Variants in DMXL1 observed in about 807,000 individuals in gnomAD.
The protein encoded by DMXL1 is dmX-like protein 1.
DMXL1 carries 99 observed loss-of-function variants against 319.2 expected under a neutral mutation model. That is an observed-to-expected ratio of 0.31 (90% CI 0.26 to 0.37). The LOEUF (loss-of-function observed/expected upper bound fraction) is 0.37, where lower values mean the gene tolerates loss of function less well. DMXL1 is among the 10% of genes least tolerant of loss of function. DMXL1 has a pLI of 1.00. For missense variants in DMXL1, 3,745 were observed against 3,595.6 expected (o/e 1.04, Z -1.06); for synonymous variants, 1,385 against 1,235.2 (o/e 1.12, Z -2.54).
chr5:119,188,958 T>G (rs1778232883), intron 28 of DMXL1, among the ~76,000 whole-genome samples: 1 of 152,236 alleles, frequency 6.6e-6, no homozygotes, highest in Non-Finnish European at 1.5e-5. Flanking sequence ...TGGAATTCTT[T>G]GCCTGTGTAT....
intron 2 of DMXL1, 120 bp from the exon 3 acceptor site, chr5:119,101,815 A>G: frequency 1.5e-6 from 1 of 679,656 alleles, no homozygotes. Context: ...ATTCTTAAGC[A>G]TCAGTGAATG....
chr5:119,171,557 A>G (rs1476294310), intron 24 of DMXL1, among the ~76,000 whole-genome samples: 2 of 145,492 alleles, frequency 1.4e-5, no homozygotes, highest in Non-Finnish European at 3.1e-5. Flanking sequence ...GCAAGAGGAT[A>G]TTGTCTTATT....
At chr5:119,198,727 A>G (rs557458432) in intron 32 of DMXL1, among the ~76,000 whole-genome samples, 1 of 152,354 alleles carries the variant, frequency 6.6e-6, no homozygotes, top group South Asian at 2.1e-4. Flanking sequence ...TTCAAACTGT[A>G]CTACAAAGCA....
In DMXL1 at chr5:119,166,691, A is replaced by G. The variant is rs1439373662; in HGVS notation, c.5046A>G (p.Leu1682=). 4 of 1,613,204 alleles carry G rather than the reference A, an allele frequency of 2.5e-6. No homozygotes were observed. The South Asian group carries it at 3.3e-5, about 13-fold the overall frequency. The change falls in exon 22 of 44, where the codon TTA becomes TTG. Residue 1682 remains leucine, a synonymous_variant. Transcript: ENST00000539542. ...FEDERWRKAA[L]KNAFSLLGKQ... Reference sequence around the variant, plus strand: ...ATGAGAGGTGGCGTAAAGCAGCTTTAAAGAATGCTTTTTCTTTGCTAGGCA... The same window carrying G: ...ATGAGAGGTGGCGTAAAGCAGCTTTGAAGAATGCTTTTTCTTTGCTAGGCA...
At chr5:119,109,893 A>G (rs1234967965) in intron 4 of DMXL1, among the ~76,000 whole-genome samples, 2 of 152,176 alleles carry the variant, frequency 1.3e-5, no homozygotes, top group Non-Finnish European at 2.9e-5. Flanking sequence ...TTGTCATTGT[A>G]TTTCCAATGT....
In DMXL1 at chr5:119,171,110, A is replaced by T. The variant is rs9791092; in HGVS notation, c.6319A>T (p.Thr2107Ser). 0.066 allele frequency: 106,728 copies of T among 1,613,752 alleles called. 7,901 individuals carry two copies. The highest frequency in any genetic ancestry group is 0.44 in the East Asian group (19,847 of 44,836). Residue 2107 changes from threonine (T) to serine (S), a missense_variant, in exon 24 of 44, where the codon ACA (threonine) becomes TCA (serine). By Grantham distance (58) the Thr-to-Ser change is moderately conservative (BLOSUM62 1). This residue lies in a region of DMXL1 where 1,382 missense variants were observed against 1,269.5 expected (regional missense o/e 1.09). Coordinates refer to ENST00000539542, the MANE Select transcript of DMXL1 (RefSeq NM_001290321.3). The stretch of plus-strand genomic sequence containing the variant: ...GGATGCTGAAGATTTGCCTCACCAA[A>T]CAAAAGTGAAACAACTGAGAGAAAA... ...NEDAEDLPHQTKVKQLRENFQ... is the reference protein window; with the variant it reads ...NEDAEDLPHQSKVKQLRENFQ...
chr5:119,131,473 A>G (rs975097404), intron 10 of DMXL1, among the ~76,000 whole-genome samples: 1 of 152,178 alleles, frequency 6.6e-6, no homozygotes, highest in African/African-American at 2.4e-5. Context: ...CTAGAGGATA[A>G]CTAATGTAGC....
chr5:119,118,831 G>A lies in DMXL1; in HGVS notation c.760G>A (p.Val254Ile), dbSNP rs376075158. Residue 254 changes from valine to isoleucine, a missense_variant, in exon 8 of 44, where the codon GTA becomes ATA. By Grantham distance (29) the Val-to-Ile change is conservative (BLOSUM62 3). This residue lies in a region of DMXL1 where 2,096 missense variants were observed against 1,985.4 expected (regional missense o/e 1.06). Transcript: ENST00000539542. ...ATTCCTTAGGGCTTCTGTATGTAAT[G>A]TACTGTTGACTTGCTGCAAAGATAA... ...KYMPRASVCNVLLTCCKDNVC... is the reference protein window; with the variant it reads ...KYMPRASVCNILLTCCKDNVC... The A allele has an allele frequency of 3.1e-6, 5 of 1,612,300 alleles. No individual in the cohort carries two copies. Among genetic ancestry groups the A allele is most frequent in the African/African-American group, 1.3e-5 (1 of 74,888 alleles).
At chr5:119,094,766 A>G (rs931773794) in intron 1 of DMXL1, among the ~76,000 whole-genome samples, 4 of 152,018 alleles carry the variant, frequency 2.6e-5, no homozygotes, top group Admixed American at 1.3e-4. Context: ...TACCAAGAGT[A>G]TGGAAGAAGT....
rs1047551343 is a variant in DMXL1 at position 119,147,523 on chromosome 5, A to C, written c.2911+53A>C. ...ATTTTGTAACACATGAGTATTTACC[A>C]GGTATTTAAAAATAGGTGCTGCAAC... On this transcript the variant is annotated intron_variant, in intron 17 of 43. Coordinates refer to ENST00000539542, the MANE Select transcript of DMXL1 (RefSeq NM_001290321.3). The C allele has an allele frequency of 7.0e-6, 9 of 1,277,670 alleles. No individual in the cohort carries two copies. The Admixed American group carries it at 1.5e-4, about 21-fold the overall frequency. The allele number at this position is 1,277,670 out of a possible 1,614,324, so 79.1% of individuals were successfully genotyped here. A position where few individuals can be genotyped will look rare whatever the true frequency, so the allele number is the denominator to read the frequency against.
In DMXL1 at chr5:119,132,127, T is replaced by G. The variant is rs1286600152; in HGVS notation, c.1316-1005T>G. Among the ~76,000 whole-genome samples, 6 of 152,178 alleles carry G rather than the reference T, an allele frequency of 3.9e-5. No individual in the cohort carries two copies. The South Asian group carries it at 1.2e-3, about 32-fold the overall frequency. ...ATTCATATTTGATGACTGGACTGTT[T>G]GCGGGCTGTGATAGATTGAACCATT... On this transcript the variant is annotated intron_variant, in intron 10 of 43. Coordinates refer to ENST00000539542, the MANE Select transcript of DMXL1 (RefSeq NM_001290321.3).
rs773561077 is a variant in DMXL1 at position 119,166,735 on chromosome 5, C to G, written c.5090C>G (p.Ser1697Cys). Reference protein sequence around the residue: ...SLLGKQRFEHSAAFFLLAGCL... With the variant: ...SLLGKQRFEHCAAFFLLAGCL... The stretch of plus-strand genomic sequence containing the variant: ...CTAGGCAAACAAAGATTTGAACATT[C>G]TGCAGCATTTTTTCTTTTAGCTGGT... Residue 1697 changes from serine to cysteine, a missense_variant, in exon 22 of 44, where the codon TCT becomes TGT. Transcript: ENST00000539542. 6.2e-7 allele frequency: 1 copy of G among 1,612,336 alleles called. No homozygotes were observed. Among genetic ancestry groups the G allele is most frequent in the African/African-American group, 1.3e-5 (1 of 74,836 alleles).
intron 19 of DMXL1, among the ~76,000 whole-genome samples, chr5:119,163,991 G>A (rs562622234): frequency 2.6e-5 from 4 of 151,914 alleles, no homozygotes; most frequent in South Asian, 2.1e-4. Context: ...GGATTACAGC[G>A]TAAGCCACCG....
At chr5:119,132,163 C>T (rs1765044807) in intron 10 of DMXL1, among the ~76,000 whole-genome samples, 2 of 151,936 alleles carry the variant, frequency 1.3e-5, no homozygotes, top group African/African-American at 4.8e-5. Flanking sequence ...CTGGTGATAT[C>T]CCCAGATCTC....
intron 30 of DMXL1, among the ~76,000 whole-genome samples, chr5:119,194,281 C>T (rs1215396999): frequency 2.6e-5 from 4 of 152,142 alleles, no homozygotes; most frequent in Admixed American, 2.6e-4. Context: ...AGATCTTGCT[C>T]CAAGATTATA....
At chr5:119,114,979 T>A (rs1323637097) in intron 6 of DMXL1, among the ~76,000 whole-genome samples, 2 of 152,210 alleles carry the variant, frequency 1.3e-5, no homozygotes, top group Non-Finnish European at 2.9e-5. Context: ...TTAAAAATTT[T>A]AAATAGCAAA....
At chr5:119,147,212 C>T in intron 16 of DMXL1, 37 bp from the exon 17 acceptor site, 3 of 1,560,842 alleles carry the variant, frequency 1.9e-6, no homozygotes, top group Non-Finnish European at 2.6e-6. Context: ...TAGGGTTCCC[C>T]TGCCTCAGTT....
chr5:119,116,342 T>C lies in DMXL1; in HGVS notation c.743+6T>C. On this transcript the variant is annotated splice_donor_region_variant and intron_variant, in intron 7 of 43. Transcript: ENST00000539542. Reference sequence around the variant, plus strand: ...ACAAGCAAATATATGCCTAGGTCAGTGGATTGGTCATTTCCCTCCACATAT... The same window carrying C: ...ACAAGCAAATATATGCCTAGGTCAGCGGATTGGTCATTTCCCTCCACATAT... 1 of 1,611,234 alleles carries C rather than the reference T, an allele frequency of 6.2e-7. No individual in the cohort carries two copies. Among genetic ancestry groups the C allele is most frequent in the Non-Finnish European group, 8.5e-7 (1 of 1,178,446 alleles).
At chr5:119,233,870 C>G (rs533929270) in intron 39 of DMXL1, among the ~76,000 whole-genome samples, 3 of 151,996 alleles carry the variant, frequency 2.0e-5, no homozygotes, top group Admixed American at 1.3e-4. Flanking sequence ...CATTTTAACC[C>G]GATATTGTTG....
Sources: allele counts gnomAD v4.1 joint callset (sites outside exome capture counted in the v4.1 genomes callset), GRCh38; gene constraint gnomAD v4.1.1; regional missense constraint gnomAD v4.1.1; transcripts MANE v1.5; gene names NCBI Gene and HGNC (gene_info 2026-07-23, HGNC 2026-07-21).